ANKS1B: variants seen among roughly 807,000 people sequenced by gnomAD.
ANKS1B encodes ankyrin repeat and sterile alpha motif domain-containing protein 1B.
Under a neutral mutation model 148.3 loss-of-function variants are expected in ANKS1B, and 36 were observed. That is an observed-to-expected ratio of 0.24 (90% CI 0.19 to 0.32). ANKS1B has a LOEUF of 0.32. Ranked by LOEUF, ANKS1B falls within the 10% of genes least tolerant of loss-of-function variation. The pLI is 1.00. For missense variants in ANKS1B, 1,157 were observed against 1,542.6 expected, an observed-to-expected ratio of 0.75 and a Z score of 4.19; for synonymous variants, 542 against 560.8, an observed-to-expected ratio of 0.97 and a Z score of 0.47.
chr12:99,540,998 A>G (rs1362500848), intron 9 of ANKS1B, among the ~76,000 whole-genome samples: 2 of 152,118 alleles, frequency 1.3e-5, no homozygotes, highest in South Asian at 2.1e-4. Context: ...AAGGAATACT[A>G]TGAATAACTC....
intron 17 of ANKS1B, among the ~76,000 whole-genome samples, chr12:98,863,882 C>G (rs1220323982): frequency 6.6e-6 from 1 of 152,194 alleles, no homozygotes; most frequent in Non-Finnish European, 1.5e-5. Context: ...ATAACTGGGT[C>G]AGACAAATAC....
chr12:99,459,299 A>G (rs1338021974), intron 10 of ANKS1B, among the ~76,000 whole-genome samples: 2 of 152,152 alleles, frequency 1.3e-5, no homozygotes, highest in Non-Finnish European at 2.9e-5. Context: ...CACAGCCGAC[A>G]TTATACTGAA....
chr12:99,078,152 A>G (rs1016154994), intron 16 of ANKS1B, among the ~76,000 whole-genome samples: 1 of 152,188 alleles, frequency 6.6e-6, no homozygotes, highest in African/African-American at 2.4e-5. Context: ...TGAGGGGGCC[A>G]ACTGTTGCTT....
At chr12:99,066,081 C>T (rs889516476) in intron 16 of ANKS1B, among the ~76,000 whole-genome samples, 5 of 151,992 alleles carry the variant, frequency 3.3e-5, no homozygotes, top group East Asian at 1.9e-4. Context: ...TTTGGGAGGC[C>T]GAGGAGGGCA....
chr12:98,752,057 C>G (rs968428000), intron 25 of ANKS1B, among the ~76,000 whole-genome samples: 1 of 152,164 alleles, frequency 6.6e-6, no homozygotes, highest in African/African-American at 2.4e-5. Flanking sequence ...AATAATTCAA[C>G]TGTTTGTCTC....
At chr12:99,931,573 AAT>A (rs749616673) in intron 1 of ANKS1B, among the ~76,000 whole-genome samples, 93 of 152,294 alleles carry the variant, frequency 6.1e-4, no homozygotes, top group South Asian at 1.9e-3. Context: ...CATTTTAATT[AAT>A]GTGTCTATCA....
intron 12 of ANKS1B, among the ~76,000 whole-genome samples, chr12:99,303,380 G>C (rs1173174450): frequency 1.3e-5 from 2 of 152,034 alleles, no homozygotes; most frequent in Admixed American, 1.3e-4. Flanking sequence ...TGAGGCTCTA[G>C]TGACCAATCA....
intron 8 of ANKS1B, among the ~76,000 whole-genome samples, chr12:99,661,051 CATG>C (rs1303814001): frequency 6.6e-6 from 1 of 152,008 alleles, no homozygotes; most frequent in Admixed American, 6.6e-5. Context: ...GGCCTTGAAG[CATG>C]ATGAAATAAC....
At chr12:99,561,578 C>A (rs1232409414) in intron 9 of ANKS1B, among the ~76,000 whole-genome samples, 2 of 152,072 alleles carry the variant, frequency 1.3e-5, no homozygotes, top group Admixed American at 1.3e-4. Context: ...CAGCAACGTT[C>A]CTCAGGAGTT....
At chr12:99,538,305 G>T (rs2097092982) in intron 9 of ANKS1B, among the ~76,000 whole-genome samples, 1 of 151,952 alleles carries the variant, frequency 6.6e-6, no homozygotes, top group South Asian at 2.1e-4. Flanking sequence ...AATGTTATTG[G>T]TATTTTGATA....
intron 2 of ANKS1B, among the ~76,000 whole-genome samples, chr12:99,813,462 C>T (rs1307278283): frequency 2.0e-5 from 3 of 151,078 alleles, no homozygotes; most frequent in African/African-American, 4.9e-5. Context: ...GTGAACATAA[C>T]AGATTTACAT....
At chr12:99,217,751 A>G (rs2084445452) in intron 14 of ANKS1B, among the ~76,000 whole-genome samples, 1 of 152,086 alleles carries the variant, frequency 6.6e-6, no homozygotes, top group Admixed American at 6.5e-5. Flanking sequence ...GCATACTAAT[A>G]TATGTAAGTT....
intron 25 of ANKS1B, among the ~76,000 whole-genome samples, chr12:98,765,330 T>C (rs892462713): frequency 1.3e-5 from 2 of 152,154 alleles, no homozygotes; most frequent in African/African-American, 4.8e-5. Flanking sequence ...AGTGGCACCA[T>C]CTTGGCTCAC....
In ANKS1B at chr12:98,895,953, A is replaced by G. The variant is rs752686355; in HGVS notation, c.2779-63817T>C. On this transcript the variant is annotated intron_variant, in intron 17 of 26. Coordinates refer to ENST00000683438, the MANE Select transcript of ANKS1B (RefSeq NM_001352186.2). Reference sequence around the variant, plus strand: ...GGCTGCTTAATACCACAACATTTTAATGAGCATGTCAGGTAACCCACAGGC... The same window carrying G: ...GGCTGCTTAATACCACAACATTTTAGTGAGCATGTCAGGTAACCCACAGGC... 5.0e-4 allele frequency among the ~76,000 whole-genome samples: 76 copies of G among 152,214 alleles called. 1 individual carries two copies. Among genetic ancestry groups the G allele is most frequent in the Admixed American group, 9.2e-4 (14 of 15,282 alleles).
At chr12:99,688,871 T>C (rs1392413451) in intron 8 of ANKS1B, among the ~76,000 whole-genome samples, 4 of 146,094 alleles carry the variant, frequency 2.7e-5, no homozygotes, top group African/African-American at 7.5e-5. Context: ...CATGAGCAAG[T>C]GCTAAATTTA....
rs2287574 is a variant in ANKS1B, at chr12:98,773,027, G to T, written c.3579+15C>A. 0.43 allele frequency: 687,824 copies of T among 1,612,074 alleles called. 148,728 individuals are homozygous for T. The highest frequency in any genetic ancestry group is 0.51 in the Middle Eastern group (3,069 of 6,056). On this transcript the variant is annotated intron_variant, in intron 25 of 26. Coordinates refer to ENST00000683438, the MANE Select transcript of ANKS1B (RefSeq NM_001352186.2). Reference sequence around the variant, plus strand: ...TGCAAAGTCTTTAATCTGTTGAAAGGGGGTGGGTACTCACCACATCAAAGG... The same window carrying T: ...TGCAAAGTCTTTAATCTGTTGAAAGTGGGTGGGTACTCACCACATCAAAGG...
At chr12:99,832,914 T>G (rs1436935735) in intron 1 of ANKS1B, among the ~76,000 whole-genome samples, 6 of 152,316 alleles carry the variant, frequency 3.9e-5, no homozygotes, top group East Asian at 3.9e-4. Flanking sequence ...ACTTTGAAAG[T>G]CAGCCAAAAC....
intron 8 of ANKS1B, among the ~76,000 whole-genome samples, chr12:99,734,410 A>G (rs1338750895): frequency 6.6e-6 from 1 of 152,044 alleles, no homozygotes; most frequent in Non-Finnish European, 1.5e-5. Flanking sequence ...CTCCTGCCTC[A>G]GCACCCCCGA....
intron 17 of ANKS1B, among the ~76,000 whole-genome samples, chr12:99,008,158 C>G (rs1330722036): frequency 6.6e-6 from 1 of 152,062 alleles, no homozygotes; most frequent in Admixed American, 6.5e-5. Flanking sequence ...TCCCCTCGAG[C>G]TTTGGGCCTA....
Sources: allele counts gnomAD v4.1 joint callset (sites outside exome capture counted in the v4.1 genomes callset), GRCh38; gene constraint gnomAD v4.1.1; transcripts MANE v1.5; gene names NCBI Gene and HGNC (gene_info 2026-07-23, HGNC 2026-07-21).